The following SCHIP1 variants were observed in gnomAD, a reference collection of about 807,000 sequenced individuals.
SCHIP1 encodes schwannomin-interacting protein 1.
Under a neutral mutation model 29.7 loss-of-function variants are expected in SCHIP1, and 8 were observed. The observed-to-expected ratio is 0.27, with a 90% CI of 0.16 to 0.49. The LOEUF (loss-of-function observed/expected upper bound fraction) is 0.49. SCHIP1 is among the 20% of genes least tolerant of loss of function. The pLI, the probability that SCHIP1 is intolerant of heterozygous loss-of-function variation, is 0.99. For synonymous variants in SCHIP1, 76 were observed against 94.9 expected, an observed-to-expected ratio of 0.80 and a Z score of 1.16; for missense variants, 193 against 294.6, an observed-to-expected ratio of 0.66 and a Z score of 2.52.
At chr3:159,449,516 T>A in the SCHIP1 span, among the ~76,000 whole-genome samples, 27 of 152,134 alleles carry the variant, frequency 1.8e-4, no homozygotes, top group Non-Finnish European at 3.8e-4. Flanking sequence ...AACAAAATAG[T>A]TGGAATTCTT....
In SCHIP1 at chr3:159,883,289, A is replaced by G. The variant is rs529792214; in HGVS notation, c.150-2918A>G. Among the ~76,000 whole-genome samples, 9 of 152,244 alleles carry G rather than the reference A, an allele frequency of 5.9e-5. No individual in the cohort carries two copies. The South Asian group carries it at 1.9e-3, about 32-fold the overall frequency. ...ACCTCAGACTGTGCTTGAGAGATCT[A>G]GGTAAATTAGGCACCCTGCAGCCTG... On this transcript the variant is annotated intron_variant, in intron 2 of 6. Coordinates refer to ENST00000445224, the Ensembl canonical transcript of SCHIP1.
the SCHIP1 span, among the ~76,000 whole-genome samples, chr3:159,503,566 C>T: frequency 6.6e-6 from 1 of 152,188 alleles, no homozygotes; most frequent in African/African-American, 2.4e-5. Flanking sequence ...GTCTCCTGGA[C>T]TCAGTTCTTC....
the SCHIP1 span, among the ~76,000 whole-genome samples, chr3:159,798,236 T>C: frequency 6.6e-6 from 1 of 152,224 alleles, no homozygotes; most frequent in African/African-American, 2.4e-5. Flanking sequence ...ATAGCTGGAC[T>C]GGATCTTAAT....
At chr3:159,475,827 G>T in the SCHIP1 span, among the ~76,000 whole-genome samples, 1 of 152,162 alleles carries the variant, frequency 6.6e-6, no homozygotes. Context: ...AAGCATTTGA[G>T]AGCTGGGAGT....
chr3:159,397,826 G>T, the SCHIP1 span, among the ~76,000 whole-genome samples: 2 of 152,240 alleles, frequency 1.3e-5, no homozygotes. Flanking sequence ...AGGCAGGCAG[G>T]CCTCTTTGAG....
the SCHIP1 span, among the ~76,000 whole-genome samples, chr3:159,290,890 G>A: frequency 6.6e-6 from 1 of 151,986 alleles, no homozygotes; most frequent in Non-Finnish European, 1.5e-5. Context: ...AAAACATTAT[G>A]TAAAATATGT....
chr3:159,309,005 G>T, the SCHIP1 span: 1 of 151,988 alleles, frequency 6.6e-6, no homozygotes, highest in Non-Finnish European at 1.5e-5. Context: ...TAGAGACTGT[G>T]GACTATGAGA....
chr3:159,828,348 A>G, the SCHIP1 span, among the ~76,000 whole-genome samples: 2 of 141,112 alleles, frequency 1.4e-5, no homozygotes, highest in Non-Finnish European at 3.0e-5. Context: ...ATGAATTAGC[A>G]TTAGTGTAAC....
At chr3:159,658,373 G>C in the SCHIP1 span, among the ~76,000 whole-genome samples, 1 of 152,030 alleles carries the variant, frequency 6.6e-6, no homozygotes, top group Non-Finnish European at 1.5e-5. Context: ...AATAATGGTT[G>C]GAAACCCCTG....
At chr3:159,840,766 G>A (rs1278382655) in intron 1 of SCHIP1, among the ~76,000 whole-genome samples, 1 of 152,130 alleles carries the variant, frequency 6.6e-6, no homozygotes, top group African/African-American at 2.4e-5. Flanking sequence ...TAAATGGTTG[G>A]TAAATAAGCA....
At chr3:159,301,012 T>C in the SCHIP1 span, among the ~76,000 whole-genome samples, 23 of 152,344 alleles carry the variant, frequency 1.5e-4, no homozygotes, top group South Asian at 2.7e-3. Flanking sequence ...GTTAATAATG[T>C]GCTAATTATG....
At chr3:159,810,563 A>G in the SCHIP1 span, among the ~76,000 whole-genome samples, 1 of 152,200 alleles carries the variant, frequency 6.6e-6, no homozygotes, top group South Asian at 2.1e-4. Flanking sequence ...GGGATCATAG[A>G]ATATCCAATC....
the SCHIP1 span, among the ~76,000 whole-genome samples, chr3:159,536,576 C>T: frequency 0.017 from 2,619 of 152,250 alleles, 67 homozygotes; most frequent in African/African-American, 0.054. Context: ...TGACTATCTA[C>T]CAACATCCTA....
the SCHIP1 span, among the ~76,000 whole-genome samples, chr3:159,453,539 T>C: frequency 2.0e-5 from 3 of 152,334 alleles, no homozygotes; most frequent in East Asian, 5.8e-4. Context: ...GATAAGCCAC[T>C]GAAACTTTTT....
At chr3:159,436,188 C>G in the SCHIP1 span, among the ~76,000 whole-genome samples, 2 of 152,140 alleles carry the variant, frequency 1.3e-5, no homozygotes, top group South Asian at 4.1e-4. Flanking sequence ...TCCACACACC[C>G]ATGCACACTC....
chr3:159,458,039 T>C, the SCHIP1 span, among the ~76,000 whole-genome samples: 2 of 152,198 alleles, frequency 1.3e-5, no homozygotes, highest in African/African-American at 2.4e-5. Context: ...AATAAAACTT[T>C]TGAGAATGTC....
At chr3:159,742,834 A>AT in the SCHIP1 span, among the ~76,000 whole-genome samples, 3,350 of 110,772 alleles carry the variant, frequency 0.03, 71 homozygotes, top group African/African-American at 0.074. Flanking sequence ...CGCCTAGCTA[A>AT]TTTTTTTTTT....
At chr3:159,474,302 A>G in the SCHIP1 span, among the ~76,000 whole-genome samples, 1 of 152,168 alleles carries the variant, frequency 6.6e-6, no homozygotes, top group Non-Finnish European at 1.5e-5. Context: ...ATATTAAGCA[A>G]ACTTCAAGAT....
chr3:159,485,324 A>G, the SCHIP1 span, among the ~76,000 whole-genome samples: 1 of 152,188 alleles, frequency 6.6e-6, no homozygotes, highest in African/African-American at 2.4e-5. Context: ...TCAGTAAAAT[A>G]AGAAAAACAT....
Sources: gnomAD v4.1 joint callset for allele counts (sites outside exome capture counted in the v4.1 genomes callset) on GRCh38, gnomAD v4.1.1 for gene constraint, MANE v1.5 for transcripts, NCBI Gene and HGNC (gene_info 2026-07-23, HGNC 2026-07-21) for gene names.